Variants in PKP2 observed in about 807,000 individuals in gnomAD.
The protein encoded by PKP2 is plakophilin 2.
In PKP2, 73 loss-of-function variants were observed where a neutral mutation model predicts 83.4. The ratio of observed to expected loss-of-function variants is 0.88; its 90% confidence interval spans 0.72 to 1.06. The LOEUF (loss-of-function observed/expected upper bound fraction) is 1.06, where lower values mean the gene tolerates loss of function less well. Ranked by LOEUF, PKP2 falls within the 50% of genes least tolerant of loss-of-function variation. The probability of loss-of-function intolerance (pLI) is 0.00; values close to 1 mark genes in which losing one functional copy is unlikely to be tolerated. For missense variants in PKP2, 966 were observed against 1,065.4 expected, an observed-to-expected ratio of 0.91 and a Z score of 1.30; for synonymous variants, 409 against 430.4, an observed-to-expected ratio of 0.95 and a Z score of 0.62.
At chr12:32,865,456 A>T (rs1363614396) in intron 4 of PKP2, among the ~76,000 whole-genome samples, 1 of 151,618 alleles carries the variant, frequency 6.6e-6, no homozygotes, top group Admixed American at 6.6e-5. Context: ...CAAGGTGGGC[A>T]GATCACTTGA....
intron 5 of PKP2, 113 bp downstream of exon 5, chr12:32,850,653 T>A: frequency 1.2e-6 from 1 of 816,670 alleles, no homozygotes; most frequent in South Asian, 1.4e-5. Flanking sequence ...TTCTCTAGCA[T>A]AACAATGAGC....
chr12:32,888,472 G>T (rs1397968974), intron 1 of PKP2, among the ~76,000 whole-genome samples: 2 of 151,368 alleles, frequency 1.3e-5, no homozygotes, highest in Admixed American at 1.3e-4. Context: ...ATTCATAACT[G>T]CTAACCCAAC....
At chr12:32,794,548 C>T (rs1297248856) in intron 11 of PKP2, among the ~76,000 whole-genome samples, 1 of 152,226 alleles carries the variant, frequency 6.6e-6, no homozygotes, top group African/African-American at 2.4e-5. Context: ...TAGCTCACCC[C>T]TTATCTTGCT....
At chr12:32,888,464 TC>T (rs1957049458) in intron 1 of PKP2, among the ~76,000 whole-genome samples, 1 of 152,098 alleles carries the variant, frequency 6.6e-6, no homozygotes, top group African/African-American at 2.4e-5. Flanking sequence ...CCCAACTGAT[TC>T]ATAACTGCTA....
chr12:32,885,661 C>A (rs75591646), intron 1 of PKP2, among the ~76,000 whole-genome samples: 8 of 109,846 alleles, frequency 7.3e-5, no homozygotes, highest in East Asian at 1.5e-3. Context: ...AAGATTCCGT[C>A]CCCCCCCCAA....
chr12:32,886,384 AT>A (rs1957030117), intron 1 of PKP2, among the ~76,000 whole-genome samples: 1 of 152,216 alleles, frequency 6.6e-6, no homozygotes, highest in African/African-American at 2.4e-5. Flanking sequence ...AGCAATTCAT[AT>A]TTGAATGGAT....
Position 32,821,370 on chromosome 12 carries a change from C to G in PKP2, c.1999G>C (p.Ala667Pro), listed in dbSNP as rs1330217549. Reference sequence around the variant, plus strand: ...CCAATACTCACTGGTCCACTTCCGGCCGTGAGGTTCTGCAGAGCTCCTAAG... The same window carrying G: ...CCAATACTCACTGGTCCACTTCCGGGCGTGAGGTTCTGCAGAGCTCCTAAG... The part of the protein sequence containing the change: ...ASLGALQNLT[A>P]GSGPMPTSVA... Residue 667 changes from alanine (A) to proline (P), a missense_variant, in exon 9 of 13, where the codon GCC (alanine) becomes CCC (proline). Coordinates refer to ENST00000340811, the MANE Select transcript of PKP2 (RefSeq NM_001005242.3). The G allele has an allele frequency of 6.2e-7, 1 of 1,613,970 alleles. No individual in the cohort carries two copies. Among genetic ancestry groups the G allele is most frequent in the African/African-American group, 1.3e-5 (1 of 74,898 alleles).
chr12:32,854,549 C>T (rs1282475700), intron 4 of PKP2, among the ~76,000 whole-genome samples: 2 of 152,170 alleles, frequency 1.3e-5, no homozygotes, highest in Non-Finnish European at 2.9e-5. Flanking sequence ...GTCAAATATG[C>T]TGCTATTGTC....
intron 9 of PKP2, among the ~76,000 whole-genome samples, chr12:32,816,941 G>T (rs1378211712): frequency 6.6e-6 from 1 of 152,052 alleles, no homozygotes; most frequent in Non-Finnish European, 1.5e-5. Context: ...GGGTTATTTA[G>T]TTTTTGCTTG....
intron 9 of PKP2, among the ~76,000 whole-genome samples, chr12:32,814,924 TAA>T (rs1044035654): frequency 6.8e-6 from 1 of 146,042 alleles, no homozygotes. Flanking sequence ...GACTCTGTCT[TAA>T]AAAAAAAAAA....
intron 1 of PKP2, among the ~76,000 whole-genome samples, chr12:32,891,862 G>A (rs1179880386): frequency 6.6e-6 from 1 of 152,138 alleles, no homozygotes; most frequent in Non-Finnish European, 1.5e-5. Context: ...ACATTTCCAG[G>A]GGTGTGAAGT....
At position 32,867,539 on chromosome 12, in the gene PKP2, C is replaced by T. The variant is rs183260695; in HGVS notation, c.1170+1388G>A. On this transcript the variant is annotated intron_variant, in intron 4 of 12. Transcript: ENST00000340811. ...ATAAGGTAGTTAAAAAATCAACCAA[C>T]AAAACTGATACATTTAGACAACAGA... Among the ~76,000 whole-genome samples, 6 of 152,182 alleles carry T rather than the reference C, an allele frequency of 3.9e-5. No homozygotes were observed. In the East Asian group the frequency reaches 1.2e-3, roughly 29 times the overall value.
intron 5 of PKP2, among the ~76,000 whole-genome samples, chr12:32,845,732 C>T (rs1054704187): frequency 2.0e-5 from 3 of 152,024 alleles, no homozygotes; most frequent in African/African-American, 2.4e-5. Flanking sequence ...ACCGCTCGGA[C>T]AAGGACAAGA....
intron 10 of PKP2, among the ~76,000 whole-genome samples, chr12:32,800,506 T>C (rs1956169512): frequency 6.6e-6 from 1 of 152,186 alleles, no homozygotes; most frequent in Admixed American, 6.5e-5. Flanking sequence ...TCAGCGTTCA[T>C]CTAAAGCCAG....
intron 1 of PKP2, among the ~76,000 whole-genome samples, chr12:32,880,504 A>G (rs1400267064): frequency 6.6e-6 from 1 of 152,224 alleles, no homozygotes; most frequent in Non-Finnish European, 1.5e-5. Context: ...ATATTTGGCA[A>G]CAGGAGAGTT....
At chr12:32,855,170 T>G (rs1348713941) in intron 4 of PKP2, among the ~76,000 whole-genome samples, 1 of 152,184 alleles carries the variant, frequency 6.6e-6, no homozygotes. Context: ...CAGACTAACA[T>G]GCAAAAATAG....
At chr12:32,849,638 C>T (rs930304387) in intron 5 of PKP2, among the ~76,000 whole-genome samples, 11 of 152,296 alleles carry the variant, frequency 7.2e-5, no homozygotes, top group African/African-American at 2.4e-4. Flanking sequence ...TACGACTGTT[C>T]ATTTAAATGA....
In PKP2 at chr12:32,822,535, G is replaced by A. The variant is rs778928536; in HGVS notation, c.1771C>T (p.Arg591Trp). The change falls in exon 8 of 13, where the codon CGG becomes TGG. Residue 591 changes from arginine (R) to tryptophan (W), a missense_variant. By Grantham distance (101) the Arg-to-Trp change is moderately radical. Coordinates refer to ENST00000340811, the MANE Select transcript of PKP2 (RefSeq NM_001005242.3). Reference protein sequence around the residue: ...KYSQNIYIQNRNIQTDNNKSI... With the variant: ...KYSQNIYIQNWNIQTDNNKSI... ...TTGTTGTTGTCAGTCTGGATATTCC[G>A]GTTTTGAATATAGATATTCTGGGAA... is the stretch of plus-strand genomic sequence containing the variant. The A allele has an allele frequency of 2.5e-6, 4 of 1,613,828 alleles. No individual in the cohort carries two copies. Among genetic ancestry groups the A allele is most frequent in the South Asian group, 1.1e-5 (1 of 91,084 alleles).
At chr12:32,821,231 G>A (rs1956372049) in intron 9 of PKP2, 125 bp downstream of exon 9, 1 of 908,682 alleles carries the variant, frequency 1.1e-6, no homozygotes, top group African/African-American at 1.7e-5. Context: ...TGTAATTTCT[G>A]AGAATTGTCT....
Sources: gnomAD v4.1 joint callset for allele counts (sites outside exome capture counted in the v4.1 genomes callset) on GRCh38, gnomAD v4.1.1 for gene constraint, MANE v1.5 for transcripts, NCBI Gene and HGNC (gene_info 2026-07-23, HGNC 2026-07-21) for gene names.